Variants in EYS observed in about 807,000 individuals in gnomAD.
The protein encoded by EYS is protein eyes shut homolog.
Under a neutral mutation model 282.1 loss-of-function variants are expected in EYS, and 250 were observed. That is an observed-to-expected ratio of 0.89 (90% CI 0.80 to 0.98). The LOEUF (loss-of-function observed/expected upper bound fraction) is 0.98. Ranked by LOEUF, EYS falls within the 50% of genes least tolerant of loss-of-function variation. The probability of loss-of-function intolerance (pLI) is 0.00; values close to 1 mark genes in which losing one functional copy is unlikely to be tolerated. For missense variants in EYS, 4,016 were observed against 3,709.0 expected (o/e 1.08, Z -2.15); for synonymous variants, 1,355 against 1,282.9 (o/e 1.06, Z -1.20).
In EYS at chr6:63,777,961, G is replaced by C. The variant is rs553956077; in HGVS notation, c.7898+45C>G. On this transcript the variant is annotated intron_variant, in intron 40 of 42. Coordinates refer to ENST00000503581, the MANE Select transcript of EYS (RefSeq NM_001142800.2). ...ATGACAGAGTGGAGTACCAGTTAGAGTGCAAACAACCTGCTACTTTCATTC... is the reference window on the plus strand; with the variant it reads ...ATGACAGAGTGGAGTACCAGTTAGACTGCAAACAACCTGCTACTTTCATTC... 1,148 of 1,512,870 alleles carry C rather than the reference G, an allele frequency of 7.6e-4. 6 individuals carry two copies. Among genetic ancestry groups the C allele is most frequent in the South Asian group, 7.7e-4 (64 of 83,016 alleles). The allele number at this position is 1,512,870 out of a possible 1,614,324, so 93.7% of individuals were successfully genotyped here.
intron 19 of EYS, 95 bp downstream of exon 19, chr6:64,886,602 G>T: frequency 2.0e-6 from 2 of 1,006,696 alleles, no homozygotes; most frequent in Non-Finnish European, 2.7e-6. Flanking sequence ...GTTTGCATCT[G>T]GCAGATTATT....
intron 33 of EYS, among the ~76,000 whole-genome samples, chr6:64,005,833 T>C (rs1156230436): frequency 1.3e-5 from 2 of 152,014 alleles, no homozygotes; most frequent in African/African-American, 4.8e-5. Context: ...TTTGTGTCTG[T>C]TTTTTTGTAC....
intron 10 of EYS, among the ~76,000 whole-genome samples, chr6:65,340,238 T>C (rs970912968): frequency 2.0e-5 from 3 of 151,152 alleles, no homozygotes; most frequent in African/African-American, 4.8e-5. Context: ...TAATAATATA[T>C]AATTTCATAA....
intron 33 of EYS, among the ~76,000 whole-genome samples, chr6:64,004,419 T>C (rs989417099): frequency 6.6e-6 from 1 of 152,082 alleles, no homozygotes; most frequent in African/African-American, 2.4e-5. Context: ...TTTCCACTCT[T>C]TAAATAAGGA....
chr6:64,342,237 T>A (rs900336318), intron 29 of EYS, among the ~76,000 whole-genome samples: 6 of 151,468 alleles, frequency 4.0e-5, no homozygotes, highest in African/African-American at 1.5e-4. Context: ...TTTAAAAATA[T>A]AGTAATTTGG....
intron 29 of EYS, chr6:64,379,728 T>C (rs1267048051): frequency 1.3e-5 from 2 of 152,126 alleles, no homozygotes; most frequent in African/African-American, 2.4e-5. Context: ...CGGAACACAA[T>C]AGAATTTGTG....
At chr6:64,499,780 TAA>T (rs1223237864) in intron 26 of EYS, among the ~76,000 whole-genome samples, 6 of 152,090 alleles carry the variant, frequency 3.9e-5, no homozygotes, top group African/African-American at 1.2e-4. Context: ...AACATAACAA[TAA>T]GTTATGTTAA....
At chr6:64,136,058 T>G (rs563663480) in intron 31 of EYS, among the ~76,000 whole-genome samples, 1 of 151,844 alleles carries the variant, frequency 6.6e-6, no homozygotes, top group Non-Finnish European at 1.5e-5. Context: ...CACTGCTTTA[T>G]CAACTAAATT....
At chr6:65,380,850 A>G (rs1248639512) in intron 8 of EYS, among the ~76,000 whole-genome samples, 1 of 152,192 alleles carries the variant, frequency 6.6e-6, no homozygotes, top group Non-Finnish European at 1.5e-5. Flanking sequence ...TTATGCAGCC[A>G]GCAAACATAT....
chr6:65,147,165 G>A (rs9445475), intron 12 of EYS, among the ~76,000 whole-genome samples: 1,945 of 151,988 alleles, frequency 0.013, 44 homozygotes, highest in African/African-American at 0.044. Flanking sequence ...GGTGACATGA[G>A]CATATCTAAT....
chr6:65,494,677 T>C lies in EYS; in HGVS notation c.734A>G (p.His245Arg), dbSNP rs1228915156. 1.3e-6 allele frequency: 2 copies of C among 1,568,312 alleles called. No homozygotes were observed. Among genetic ancestry groups the C allele is most frequent in the African/African-American group, 1.4e-5 (1 of 73,502 alleles). Residue 245 changes from histidine (H) to arginine (R), a missense_variant, in exon 4 of 43, where the codon CAC becomes CGC. Coordinates refer to ENST00000503581, the MANE Select transcript of EYS (RefSeq NM_001142800.2). ...WDEQAYECVC[H>R]PPFTGKNCSE... ...AACAATCTTACCTGTAAATGGTGGG[T>C]GACAGACACATTCATATGCTTGCTC...
At chr6:64,176,765 T>C (rs1467001584) in intron 31 of EYS, among the ~76,000 whole-genome samples, 1 of 152,104 alleles carries the variant, frequency 6.6e-6, no homozygotes, top group Non-Finnish European at 1.5e-5. Flanking sequence ...ATAACTAATT[T>C]GTTGTTCAGT....
intron 29 of EYS, among the ~76,000 whole-genome samples, chr6:64,353,566 A>T (rs1383177076): frequency 6.6e-6 from 1 of 151,582 alleles, no homozygotes; most frequent in African/African-American, 2.4e-5. Flanking sequence ...GATGACAGAA[A>T]TCTCACCCTC....
At chr6:64,718,163 C>A (rs1412645132) in intron 22 of EYS, among the ~76,000 whole-genome samples, 1 of 152,142 alleles carries the variant, frequency 6.6e-6, no homozygotes, top group Non-Finnish European at 1.5e-5. Flanking sequence ...TGCATGAATT[C>A]ATCCCCGAGG....
chr6:64,344,073 C>CA, intron 29 of EYS, among the ~76,000 whole-genome samples: 1 of 151,884 alleles, frequency 6.6e-6, no homozygotes. Flanking sequence ...AATAGCTTAC[C>CA]AACCAAAAAA....
intron 13 of EYS, among the ~76,000 whole-genome samples, chr6:65,001,293 T>C (rs553094975): frequency 6.8e-6 from 1 of 147,052 alleles, no homozygotes; most frequent in East Asian, 2.2e-4. Flanking sequence ...GTGGTGGAGG[T>C]GGCTCTCAGC....
intron 29 of EYS, among the ~76,000 whole-genome samples, chr6:64,381,108 A>T (rs189005434): frequency 1.5e-4 from 23 of 152,226 alleles, no homozygotes; most frequent in Admixed American, 1.4e-3. Context: ...GGATATGAGG[A>T]TATAAGTATT....
chr6:63,805,243 A>C (rs1236633824), intron 37 of EYS, among the ~76,000 whole-genome samples: 1 of 152,226 alleles, frequency 6.6e-6, no homozygotes, highest in Non-Finnish European at 1.5e-5. Context: ...CTTAAAAGTA[A>C]AACATAGGTA....
At chr6:65,563,927 A>C (rs530956234) in intron 2 of EYS, among the ~76,000 whole-genome samples, 1 of 152,320 alleles carries the variant, frequency 6.6e-6, no homozygotes, top group South Asian at 2.1e-4. Flanking sequence ...CAACTTCAGC[A>C]AAGTGTCAAG....
Sources: allele counts gnomAD v4.1 joint callset (sites outside exome capture counted in the v4.1 genomes callset), GRCh38; gene constraint gnomAD v4.1.1; transcripts MANE v1.5; gene names NCBI Gene and HGNC (gene_info 2026-07-23, HGNC 2026-07-21).